CFAP77: variants seen among roughly 807,000 people sequenced by gnomAD.
The protein encoded by CFAP77 is cilia- and flagella-associated protein 77.
CFAP77 carries 25 observed loss-of-function variants against 31.1 expected under a neutral mutation model. The ratio of observed to expected loss-of-function variants is 0.80; its 90% CI spans 0.59 to 1.12. CFAP77 has a LOEUF of 1.12. Among genes scored for constraint, CFAP77 ranks in the 50% most tolerant of loss-of-function variants. CFAP77 has a pLI of 0.00. For synonymous variants in CFAP77, 151 were observed against 159.9 expected (o/e 0.94, Z 0.42); for missense variants, 377 against 397.3 (o/e 0.95, Z 0.44).
chr9:132,563,294 G>T (rs557497504), intron 5 of CFAP77, among the ~76,000 whole-genome samples: 1 of 152,340 alleles, frequency 6.6e-6, no homozygotes, highest in African/African-American at 2.4e-5. Context: ...AGTTACAAGT[G>T]TGAGCCACTG....
chr9:132,419,586 C>T (rs1850173480), intron 1 of CFAP77, among the ~76,000 whole-genome samples: 3 of 152,200 alleles, frequency 2.0e-5, no homozygotes, highest in African/African-American at 7.2e-5. Flanking sequence ...GGCCGTGTCA[C>T]CACATTAAAA....
chr9:132,568,320 C>T (rs1175740524), intron 5 of CFAP77, among the ~76,000 whole-genome samples: 2 of 152,116 alleles, frequency 1.3e-5, no homozygotes, highest in East Asian at 1.9e-4. Context: ...TTTGGGAGGC[C>T]GAGGCGGGTG....
At position 132,421,480 on chromosome 9, in the gene CFAP77, GTGACCC is replaced by G. The variant is rs1850215262; in HGVS notation, c.195+11018_195+11023del. Among the ~76,000 whole-genome samples, 11 of 152,312 alleles carry G rather than the reference GTGACCC, an allele frequency of 7.2e-5. No individual in the cohort carries two copies. The South Asian group carries it at 2.3e-3, about 32-fold the overall frequency. The stretch of plus-strand genomic sequence containing the variant: ...CCAAGGCCTTGAAATGTGCTGGAGA[GTGACCC>G]TGAAGCTTAACTTCACTAGTTTCAT... On this transcript the variant is annotated intron_variant, in intron 1 of 5. Transcript: ENST00000393216.
intron 1 of CFAP77, among the ~76,000 whole-genome samples, chr9:132,460,213 G>C (rs1018404984): frequency 1.3e-5 from 2 of 152,042 alleles, no homozygotes; most frequent in Admixed American, 6.5e-5. Flanking sequence ...CCCAGTTCCC[G>C]GGCAGTTCAG....
At chr9:132,549,731 G>A (rs12350856) in intron 5 of CFAP77, among the ~76,000 whole-genome samples, 1,710 of 152,240 alleles carry the variant, frequency 0.011, 23 homozygotes, top group African/African-American at 0.038. Flanking sequence ...ACAGCTACTC[G>A]GTGGGGCTGA....
In CFAP77 at chr9:132,481,474, T is replaced by C. The variant is rs1851445879; in HGVS notation, c.196-17221T>C. On this transcript the variant is annotated intron_variant, in intron 1 of 5. Coordinates refer to ENST00000393216, the MANE Select transcript of CFAP77 (RefSeq NM_001282957.2). The surrounding 1 kb of genome is among the most constrained non-coding windows in gnomAD (Gnocchi z 5.0). ...TCCCTCCCCAGCAAGATTTCATCCA[T>C]CTTTGTGTGCTCAAGGTACCGAGCA... Among the ~76,000 whole-genome samples, 1 of 152,184 alleles carries C rather than the reference T, an allele frequency of 6.6e-6. No individual in the cohort carries two copies. Among genetic ancestry groups the C allele is most frequent in the Admixed American group, 6.5e-5 (1 of 15,276 alleles).
intron 5 of CFAP77, among the ~76,000 whole-genome samples, chr9:132,568,665 A>G (rs1829918567): frequency 6.6e-6 from 1 of 152,144 alleles, no homozygotes; most frequent in Admixed American, 6.5e-5. Context: ...TCTCCAATAA[A>G]CAAAACAGCA....
In CFAP77 at chr9:132,545,324, T is replaced by G. The variant is rs1852714259; in HGVS notation, c.732+2277T>G. 6.6e-6 allele frequency among the ~76,000 whole-genome samples: 1 copy of G among 152,130 alleles called. No individual in the cohort carries two copies. The highest frequency in any genetic ancestry group is 1.5e-5 in the Non-Finnish European group (1 of 68,026). On this transcript the variant is annotated intron_variant, in intron 5 of 5. Transcript: ENST00000393216. The surrounding 1 kb of genome is among the most constrained non-coding windows in gnomAD (Gnocchi z 4.6). ...AAGAGTCCTGACCAGGTGGTGCAGA[T>G]GAAAGGCAGAGGGGGAGCACCTTCC...
At position 132,511,793 on chromosome 9, in the gene CFAP77, C is replaced by T. The variant is rs143885264; in HGVS notation, c.524+12193C>T. On this transcript the variant is annotated intron_variant, in intron 3 of 5. Transcript: ENST00000393216. This position sits in a 1 kb window ranked among gnomAD's most constrained non-coding sequence, Gnocchi z 5.8. ...AATGAAGCGGCCGCGCGGCGGCTCA[C>T]GCCTGTCATCCCAGCACTGTGGGAG... 2.6e-4 allele frequency among the ~76,000 whole-genome samples: 39 copies of T among 152,300 alleles called. No individual in the cohort carries two copies. The highest frequency in any genetic ancestry group is 4.9e-4 in the Non-Finnish European group (33 of 67,996).
At chr9:132,571,720 T>A (rs1036123752) in intron 5 of CFAP77, among the ~76,000 whole-genome samples, 1 of 152,046 alleles carries the variant, frequency 6.6e-6, no homozygotes, top group Admixed American at 6.5e-5. Context: ...ATGGGATGGA[T>A]TTTGTAGCAC....
At chr9:132,516,656 G>A (rs570277578) in intron 3 of CFAP77, among the ~76,000 whole-genome samples, 2 of 151,640 alleles carry the variant, frequency 1.3e-5, no homozygotes, top group East Asian at 1.9e-4. Context: ...TCTGAATGAC[G>A]TTGTTGGACT....
At chr9:132,513,114 A>T in intron 3 of CFAP77, 4 of 797,556 alleles carry the variant, frequency 5.0e-6, no homozygotes. Flanking sequence ...CATAATAATC[A>T]CATCGTGGAG....
In CFAP77 at chr9:132,424,091, C is replaced by G. The variant is rs1161061313; in HGVS notation, c.195+13625C>G. 2.0e-5 allele frequency among the ~76,000 whole-genome samples: 3 copies of G among 152,124 alleles called. No homozygotes were observed. The highest frequency in any genetic ancestry group is 7.2e-5 in the African/African-American group (3 of 41,396). On this transcript the variant is annotated intron_variant, in intron 1 of 5. Transcript: ENST00000393216. This position sits in a 1 kb window ranked among gnomAD's most constrained non-coding sequence, Gnocchi z 4.1. ...TGCACAAGGCTGAAACCAATGCAGC[C>G]AAGACATCCATGGCTGTTAAAAAAA...
At chr9:132,419,732 A>C (rs1438001206) in intron 1 of CFAP77, among the ~76,000 whole-genome samples, 1 of 152,106 alleles carries the variant, frequency 6.6e-6, no homozygotes, top group Non-Finnish European at 1.5e-5. Flanking sequence ...CCCATCAGCC[A>C]AAGAGCAAAT....
At chr9:132,537,506 C>G (rs1181176693) in intron 3 of CFAP77, 95 bp from the exon 4 acceptor site, 1 of 840,474 alleles carries the variant, frequency 1.2e-6, no homozygotes, top group African/African-American at 1.7e-5. Context: ...CCCACAGCCC[C>G]TGACGTTTAG....
chr9:132,451,664 G>A (rs1285431210), intron 1 of CFAP77, among the ~76,000 whole-genome samples: 2 of 151,676 alleles, frequency 1.3e-5, no homozygotes, highest in South Asian at 2.1e-4. Flanking sequence ...TCCCCACCAC[G>A]CCCCCTAAGT....
rs115758027 is a variant in CFAP77, at chr9:132,564,208, G to A, written c.733-8180G>A. On this transcript the variant is annotated intron_variant, in intron 5 of 5. Coordinates refer to ENST00000393216, the MANE Select transcript of CFAP77 (RefSeq NM_001282957.2). This position sits in a 1 kb window ranked among gnomAD's most constrained non-coding sequence, Gnocchi z 4.6. The stretch of plus-strand genomic sequence containing the variant: ...ATAAATAAGCATTGAATAAAATCAT[G>A]AATACATAAATACAAGGACAAGGGC... 3.4e-3 allele frequency among the ~76,000 whole-genome samples: 522 copies of A among 152,242 alleles called. 3 individuals are homozygous for A. Among genetic ancestry groups the A allele is most frequent in the African/African-American group, 0.012 (497 of 41,544 alleles).
At chr9:132,569,688 A>T (rs912015388) in intron 5 of CFAP77, among the ~76,000 whole-genome samples, 7 of 147,722 alleles carry the variant, frequency 4.7e-5, no homozygotes, top group Non-Finnish European at 1.0e-4. Flanking sequence ...CGAGACCCCA[A>T]GGTCTGATGC....
At chr9:132,449,740 T>C (rs1241978264) in intron 1 of CFAP77, among the ~76,000 whole-genome samples, 1 of 152,228 alleles carries the variant, frequency 6.6e-6, no homozygotes, top group Admixed American at 6.5e-5. Flanking sequence ...TGTTTAACTT[T>C]GCAAGGTTCT....
Sources: allele counts gnomAD v4.1 joint callset (sites outside exome capture counted in the v4.1 genomes callset), GRCh38; gene constraint gnomAD v4.1.1; non-coding constraint Gnocchi (gnomAD v3.1); transcripts MANE v1.5; gene names NCBI Gene and HGNC (gene_info 2026-07-23, HGNC 2026-07-21).